ATL3: variants seen among roughly 807,000 people sequenced by gnomAD.
ATL3 encodes atlastin GTPase 3, also known as atlastin-3.
A neutral mutation model predicts 69.5 loss-of-function variants in ATL3; 49 were observed. The observed-to-expected ratio is 0.71, with a 90% CI of 0.56 to 0.89. The LOEUF is 0.89. ATL3 is among the 40% of genes least tolerant of loss of function. ATL3 has a pLI of 0.00. For missense variants in ATL3, 606 were observed against 645.7 expected (o/e 0.94, Z 0.67); for synonymous variants, 214 against 224.1 (o/e 0.95, Z 0.40).
chr11:63,640,475 TG>T (rs897741646), intron 8 of ATL3, among the ~76,000 whole-genome samples: 6 of 150,842 alleles, frequency 4.0e-5, no homozygotes, highest in South Asian at 2.1e-4. Flanking sequence ...TTTTTAGCGA[TG>T]GGGGGGATCT....
At chr11:63,671,822 A>C, upstream of ATL3, 1 of 1,006,096 alleles carries the variant, frequency 9.9e-7, no homozygotes, top group Non-Finnish European at 1.3e-6. Flanking sequence ...TCCTCCTGCG[A>C]GCTGCGGCCG....
rs1939142104 is a variant in ATL3, at chr11:63,627,214, C to G, written c.*2105G>C. ...GCTAAGTATGTCAATATTTACAGAG[C>G]CTGCTAATAGGTATGAACTTTCAGA... On this transcript the variant is annotated 3_prime_UTR_variant, in exon 13 of 13. Transcript: ENST00000398868. 6.6e-6 allele frequency: 1 copy of G among 152,026 alleles called. No individual in the cohort carries two copies. Among genetic ancestry groups the G allele is most frequent in the East Asian group, 1.9e-4 (1 of 5,190 alleles). The allele number at this position is 152,026 out of a possible 1,614,324, so 9.4% of individuals were successfully genotyped here. A position where few individuals can be genotyped will look rare whatever the true frequency, so the allele number is the denominator to read the frequency against.
At chr11:63,669,350 C>T (rs1940699880) in intron 1 of ATL3, among the ~76,000 whole-genome samples, 1 of 151,814 alleles carries the variant, frequency 6.6e-6, no homozygotes, top group South Asian at 2.1e-4. Flanking sequence ...GCCTGGCAAA[C>T]ATGGTGAAAC....
chr11:63,671,866 G>A (rs1940800018), upstream of ATL3: 5 of 518,276 alleles, frequency 9.6e-6, no homozygotes, highest in Non-Finnish European at 1.4e-5. Flanking sequence ...CCAGGCCGAG[G>A]CTTTATCCTG....
In ATL3 at chr11:63,663,004, T is replaced by C. The variant is rs190125868; in HGVS notation, c.47-3752A>G. Among the ~76,000 whole-genome samples, 3 of 152,316 alleles carry C rather than the reference T, an allele frequency of 2.0e-5. No individual in the cohort carries two copies. The South Asian group carries it at 6.2e-4, about 32-fold the overall frequency. On this transcript the variant is annotated intron_variant, in intron 1 of 12. Transcript: ENST00000398868. ...ACCAGCACTGAAGGCTACACGATCA[T>C]GGCAGGCAAAGCAGACAAAACAGTT...
intron 8 of ATL3, among the ~76,000 whole-genome samples, chr11:63,643,055 CT>C (rs1311429882): frequency 1.3e-5 from 2 of 152,210 alleles, no homozygotes; most frequent in Admixed American, 6.5e-5. Context: ...TTAATATTAG[CT>C]GACTAATGTT....
At chr11:63,640,571 T>G (rs1383454059) in intron 8 of ATL3, among the ~76,000 whole-genome samples, 8 of 150,700 alleles carry the variant, frequency 5.3e-5, no homozygotes, top group Admixed American at 2.7e-4. Flanking sequence ...TTATTCTCTA[T>G]GATAATAATG....
intron 1 of ATL3, among the ~76,000 whole-genome samples, chr11:63,661,741 T>C (rs1257199022): frequency 2.0e-5 from 3 of 151,812 alleles, no homozygotes; most frequent in Non-Finnish European, 4.4e-5. Flanking sequence ...AATACAAAAT[T>C]AGCCCGGTGT....
chr11:63,640,022 G>A (rs902741518), intron 8 of ATL3, among the ~76,000 whole-genome samples: 3 of 151,542 alleles, frequency 2.0e-5, no homozygotes, highest in Admixed American at 6.6e-5. Flanking sequence ...TCCACCTCCC[G>A]GGTTCAAGTA....
In ATL3 at chr11:63,658,626, G is replaced by C; in HGVS notation, c.405+135C>G. 3 of 1,000,506 alleles carry C rather than the reference G, an allele frequency of 3.0e-6. 1 individual carries two copies. The South Asian group carries it at 7.6e-5, about 25-fold the overall frequency. 62.0% of individuals were successfully genotyped at this position (1,000,506 alleles called of 1,614,324 possible). The stretch of plus-strand genomic sequence containing the variant: ...GACTAAAATTTCAGGACAAAACAGG[G>C]ACTTTTTAACTTTTCTTACTTTACC... On this transcript the variant is annotated intron_variant, in intron 3 of 12. Coordinates refer to ENST00000398868, the MANE Select transcript of ATL3 (RefSeq NM_015459.5).
chr11:63,661,567 G>A (rs1347059533), intron 1 of ATL3, among the ~76,000 whole-genome samples: 2 of 151,950 alleles, frequency 1.3e-5, no homozygotes, highest in Non-Finnish European at 2.9e-5. Flanking sequence ...AATATAGCGA[G>A]AGACTGTCTT....
Position 63,631,277 on chromosome 11 carries a change from G to T in ATL3, c.1302C>A (p.Ser434Arg). 1 of 1,614,234 alleles carries T rather than the reference G, an allele frequency of 6.2e-7. No individual in the cohort carries two copies. The highest frequency in any genetic ancestry group is 2.2e-5 in the East Asian group (1 of 44,888). The change falls in exon 12 of 13, where the codon AGC (serine) becomes AGA (arginine). Residue 434 changes from serine (S) to arginine (R), a missense_variant. Ser to Arg is a moderately radical substitution (Grantham distance 110). Coordinates refer to ENST00000398868, the MANE Select transcript of ATL3 (RefSeq NM_015459.5). The stretch of plus-strand genomic sequence containing the variant: ...TTCGGAAGGTGCTGAAGACGTTCTT[G>T]CTACCATTGTGCTTGCAGAAGTTCT... Reference protein sequence around the residue: ...LYENFCKHNGSKNVFSTFRTP... With the variant: ...LYENFCKHNGRKNVFSTFRTP...
At chr11:63,656,129 CAGG>C (rs1217485894) in intron 3 of ATL3, among the ~76,000 whole-genome samples, 1 of 151,412 alleles carries the variant, frequency 6.6e-6, no homozygotes, top group Non-Finnish European at 1.5e-5. Flanking sequence ...GAGGCTGAGG[CAGG>C]AGAATGGCGT....
intron 1 of ATL3, among the ~76,000 whole-genome samples, chr11:63,661,444 CTAAT>C (rs1403646140): frequency 6.6e-6 from 1 of 152,038 alleles, no homozygotes; most frequent in East Asian, 1.9e-4. Context: ...ACAAAGATAA[CTAAT>C]TAATTTGAAA....
In ATL3 at chr11:63,631,383, T is replaced by C. The variant is rs750796781; in HGVS notation, c.1196A>G (p.Lys399Arg). ...EFKQLALDHF[K>R]KTKKMGGKDF... ...CTTCCCACCCATCTTCTTGGTCTTC[T>C]TAAAATGGTCCAGAGCAAGTTGTTT... Residue 399 changes from lysine to arginine, a missense_variant, in exon 12 of 13, where the codon AAG becomes AGG. Coordinates refer to ENST00000398868, the MANE Select transcript of ATL3 (RefSeq NM_015459.5). The C allele has an allele frequency of 6.2e-7, 1 of 1,614,196 alleles. No individual in the cohort carries two copies. Among genetic ancestry groups the C allele is most frequent in the South Asian group, 1.1e-5 (1 of 91,080 alleles).
chr11:63,671,796 G>C (rs1327293561), upstream of ATL3: 2 of 1,131,168 alleles, frequency 1.8e-6, no homozygotes, highest in Non-Finnish European at 1.1e-6. Flanking sequence ...TGCGGGAAGG[G>C]GCGGGCTGGC....
At chr11:63,640,475 T>TG (rs897741646) in intron 8 of ATL3, among the ~76,000 whole-genome samples, 51 of 150,956 alleles carry the variant, frequency 3.4e-4, no homozygotes, top group African/African-American at 1.1e-3. Context: ...TTTTTAGCGA[T>TG]GGGGGGGATC....
chr11:63,671,661 C>A (rs552900624), upstream of ATL3: 1 of 1,383,746 alleles, frequency 7.2e-7, no homozygotes, highest in Non-Finnish European at 9.5e-7. Flanking sequence ...TGAGTGCTAC[C>A]GTCCTTTGGG....
intron 1 of ATL3, 58 bp from the exon 2 acceptor site, chr11:63,659,310 A>G (rs1940354826): frequency 1.3e-6 from 2 of 1,511,308 alleles, no homozygotes; most frequent in African/African-American, 2.8e-5. Context: ...GTTTTTGAAT[A>G]TAGGGAAAAC....
Sources: gnomAD v4.1 joint callset for allele counts (sites outside exome capture counted in the v4.1 genomes callset) on GRCh38, gnomAD v4.1.1 for gene constraint, MANE v1.5 for transcripts, NCBI Gene and HGNC (gene_info 2026-07-23, HGNC 2026-07-21) for gene names.